The following FBXL2 variants were observed in gnomAD, a reference collection of about 807,000 sequenced individuals.
FBXL2 encodes the protein F-box and leucine rich repeat protein 2.
FBXL2 carries 38 observed loss-of-function variants against 69.2 expected under a neutral mutation model. That is an observed-to-expected ratio of 0.55 (90% confidence interval 0.42 to 0.72). The LOEUF is 0.72. Ranked by LOEUF, FBXL2 falls within the 30% of genes least tolerant of loss-of-function variation. The pLI is 0.00. For missense variants in FBXL2, 354 were observed against 520.3 expected (o/e 0.68, Z 3.11); for synonymous variants, 192 against 201.3 (o/e 0.95, Z 0.39).
intron 2 of FBXL2, chr3:33,317,460 T>C (rs993657170): frequency 1.3e-5 from 6 of 456,428 alleles, no homozygotes; most frequent in Non-Finnish European, 2.2e-5. Context: ...AACTACTGTC[T>C]CTCACCCCAT....
intron 5 of FBXL2, among the ~76,000 whole-genome samples, chr3:33,368,819 C>A (rs572080407): frequency 1.3e-5 from 2 of 152,136 alleles, no homozygotes; most frequent in South Asian, 4.2e-4. Context: ...ATCTCCTGAC[C>A]TTGTGATCCG....
At chr3:33,369,397 T>G (rs1188782217) in intron 5 of FBXL2, among the ~76,000 whole-genome samples, 2 of 152,032 alleles carry the variant, frequency 1.3e-5, no homozygotes, top group Non-Finnish European at 2.9e-5. Context: ...CTTTTTTAGC[T>G]TCATTTCTAT....
intron 2 of FBXL2, among the ~76,000 whole-genome samples, chr3:33,340,895 CAA>C (rs67092664): frequency 0.19 from 16,886 of 86,776 alleles, 1,112 homozygotes; most frequent in East Asian, 0.39. Context: ...TTCCTTTGCC[CAA>C]AAAAAAAAAA....
chr3:33,381,784 T>TTA, intron 13 of FBXL2, among the ~76,000 whole-genome samples: 1 of 152,328 alleles, frequency 6.6e-6, no homozygotes, highest in South Asian at 2.1e-4. Flanking sequence ...TTTTCTGGCT[T>TTA]TACTCTTAAT....
intron 5 of FBXL2, chr3:33,372,821 T>A (rs2042379537): frequency 1.8e-6 from 1 of 550,586 alleles, no homozygotes. Context: ...AAAGGAGAAC[T>A]GATTGATAGG....
chr3:33,280,727 A>AG (rs1408616282), intron 1 of FBXL2, among the ~76,000 whole-genome samples: 1 of 151,628 alleles, frequency 6.6e-6, no homozygotes, highest in Non-Finnish European at 1.5e-5. Flanking sequence ...AAAAAAAAAA[A>AG]AAAAAAGAAA....
intron 5 of FBXL2, among the ~76,000 whole-genome samples, chr3:33,366,763 A>G (rs1371781912): frequency 3.9e-5 from 6 of 151,924 alleles, no homozygotes; most frequent in Non-Finnish European, 7.4e-5. Flanking sequence ...AGGAGATTGA[A>G]ACCATCCTGG....
intron 2 of FBXL2, among the ~76,000 whole-genome samples, chr3:33,315,053 C>T (rs992179366): frequency 6.6e-6 from 1 of 152,054 alleles, no homozygotes; most frequent in Non-Finnish European, 1.5e-5. Flanking sequence ...CTTCTTGAGA[C>T]TTTTAAATTT....
chr3:33,395,674 T>C (rs1245528708), intron 12 of FBXL2, among the ~76,000 whole-genome samples: 2 of 141,130 alleles, frequency 1.4e-5, no homozygotes, highest in Non-Finnish European at 3.0e-5. Flanking sequence ...TCCACACACT[T>C]AGGACTATTA....
chr3:33,315,170 CCTGT>C lies in FBXL2; in HGVS notation c.65+17448_65+17451del, dbSNP rs1465643326. Among the ~76,000 whole-genome samples the C allele has an allele frequency of 7.3e-5, 11 of 151,556 alleles. 1 individual carries two copies. In the South Asian group the frequency reaches 1.7e-3, roughly 23 times the overall value. The stretch of plus-strand genomic sequence containing the variant: ...CAGCTTTTTTGTCCTCCCTCCCTTC[CCTGT>C]CTTTCATTCTTTCCTTTCTTTTCTT... On this transcript the variant is annotated intron_variant, in intron 2 of 14. Transcript: ENST00000484457.
Position 33,366,902 on chromosome 3 carries a change from TG to T in FBXL2, c.290+2185del, listed in dbSNP as rs1489566728. 9.9e-5 allele frequency among the ~76,000 whole-genome samples: 15 copies of T among 152,186 alleles called. No individual in the cohort carries two copies. In the East Asian group the frequency reaches 2.5e-3, roughly 26 times the overall value. On this transcript the variant is annotated intron_variant, in intron 5 of 14. Coordinates refer to ENST00000484457, the MANE Select transcript of FBXL2 (RefSeq NM_012157.5). ...TGGCCTGAACTCGGGAGGTGGAGCT[TG>T]GCAGTGAGCAAGCAACAGAACGAGA...
intron 1 of FBXL2, among the ~76,000 whole-genome samples, chr3:33,281,220 G>C (rs147102656): frequency 1.5e-3 from 234 of 151,362 alleles, no homozygotes; most frequent in African/African-American, 5.6e-3. Context: ...ACAGGCCCCA[G>C]TGTGTGATGT....
At chr3:33,286,098 G>T (rs1330381975) in intron 1 of FBXL2, among the ~76,000 whole-genome samples, 1 of 152,208 alleles carries the variant, frequency 6.6e-6, no homozygotes, top group African/African-American at 2.4e-5. Context: ...TGTTCCTTTG[G>T]AGGAGAAGAG....
At chr3:33,320,050 TAGATCTATGGATTCAATGC>T (rs1241706998) in intron 2 of FBXL2, among the ~76,000 whole-genome samples, 1 of 152,220 alleles carries the variant, frequency 6.6e-6, no homozygotes, top group East Asian at 1.9e-4. Context: ...CCATTCTCCC[TAGATCTATGGATTCAATGC>T]AGTTCTAATT....
At chr3:33,317,053 T>TAG (rs1415784717) in intron 2 of FBXL2, among the ~76,000 whole-genome samples, 1 of 151,984 alleles carries the variant, frequency 6.6e-6, no homozygotes, top group East Asian at 1.9e-4. Flanking sequence ...AGGTGCATGC[T>TAG]ATCACGCCTG....
intron 2 of FBXL2, among the ~76,000 whole-genome samples, chr3:33,331,890 G>A (rs2039194251): frequency 6.6e-6 from 1 of 152,132 alleles, no homozygotes; most frequent in South Asian, 2.1e-4. Flanking sequence ...AAGATACAGA[G>A]ATATAGAAAA....
At chr3:33,349,343 A>G (rs1165051963) in intron 2 of FBXL2, among the ~76,000 whole-genome samples, 1 of 152,154 alleles carries the variant, frequency 6.6e-6, no homozygotes, top group Non-Finnish European at 1.5e-5. Context: ...GTGCTTTTTC[A>G]GTATCAATTG....
the FBXL2 span, among the ~76,000 whole-genome samples, chr3:33,417,642 AT>A: frequency 6.6e-6 from 1 of 152,236 alleles, no homozygotes; most frequent in East Asian, 1.9e-4. Flanking sequence ...AATTAGGAAA[AT>A]GCTGCTGTAA....
chr3:33,420,359 T>C, the FBXL2 span, among the ~76,000 whole-genome samples: 2 of 152,188 alleles, frequency 1.3e-5, no homozygotes, highest in Non-Finnish European at 2.9e-5. Context: ...AGAGTCTCAC[T>C]CTATTGCCCA....
Sources: gnomAD v4.1 joint callset for allele counts (sites outside exome capture counted in the v4.1 genomes callset) on GRCh38, gnomAD v4.1.1 for gene constraint, MANE v1.5 for transcripts, NCBI Gene and HGNC (gene_info 2026-07-23, HGNC 2026-07-21) for gene names.